PIPOX: variants seen among roughly 807,000 people sequenced by gnomAD.
PIPOX encodes peroxisomal sarcosine oxidase.
In PIPOX, 45 loss-of-function variants were observed where a neutral mutation model predicts 47.9. The observed-to-expected ratio is 0.94, with a 90% CI of 0.74 to 1.20. PIPOX has a LOEUF of 1.20. Among genes scored for constraint, PIPOX ranks in the 50% most tolerant of loss-of-function variants. The probability of loss-of-function intolerance (pLI) is 0.00; values close to 1 mark genes in which losing one functional copy is unlikely to be tolerated. For synonymous variants in PIPOX, 165 were observed against 191.3 expected (o/e 0.86, Z 1.13); for missense variants, 458 against 498.4 (o/e 0.92, Z 0.77).
At chr17:29,053,155 G>A in intron 3 of PIPOX, 22 bp downstream of exon 3, 1 of 1,594,186 alleles carries the variant, frequency 6.3e-7, no homozygotes. Flanking sequence ...TAGCACTGGG[G>A]CGATGCAGGT....
At chr17:29,046,438 T>G (rs1167720909) in intron 2 of PIPOX, among the ~76,000 whole-genome samples, 1 of 152,222 alleles carries the variant, frequency 6.6e-6, no homozygotes, top group South Asian at 2.1e-4. Flanking sequence ...TCCACACCAG[T>G]TGTGTGATCT....
chr17:29,046,487 C>T (rs1480469370), intron 2 of PIPOX, among the ~76,000 whole-genome samples: 2 of 152,264 alleles, frequency 1.3e-5, no homozygotes, highest in South Asian at 2.1e-4. Context: ...TCACTTTTTA[C>T]GATAGGGCTC....
chr17:29,048,004 A>G (rs1268693691), intron 2 of PIPOX, among the ~76,000 whole-genome samples: 1 of 152,218 alleles, frequency 6.6e-6, no homozygotes, highest in East Asian at 1.9e-4. Context: ...AAACCTCTAG[A>G]GTGCTAAGTA....
chr17:29,043,344 T>C lies in PIPOX; in HGVS notation c.114+5T>C. The C allele has an allele frequency of 6.2e-7, 1 of 1,600,400 alleles. No individual in the cohort carries two copies. Among genetic ancestry groups the C allele is most frequent in the Non-Finnish European group, 8.6e-7 (1 of 1,167,690 alleles). On this transcript the variant is annotated splice_donor_5th_base_variant and intron_variant, in intron 1 of 7. Coordinates refer to ENST00000323372, the MANE Select transcript of PIPOX (RefSeq NM_016518.3). ...AGGATCCTCCTGCTGGAGCAGGTAC[T>C]GTGTCCCTTCTGCACCCCCAGCTGT...
At position 29,053,586 on chromosome 17, in the gene PIPOX, G is replaced by T. The variant is rs1430677376; in HGVS notation, c.651G>T (p.Met217Ile). The change falls in exon 4 of 8, where the codon ATG becomes ATT. Residue 217 changes from methionine (M) to isoleucine (I), a missense_variant. By Grantham distance (10) the Met-to-Ile change is conservative. Coordinates refer to ENST00000323372, the MANE Select transcript of PIPOX (RefSeq NM_016518.3). ...TCCTCCGTCCCCTGGGCATTGAGAT[G>T]CCTCTCCAGGTAAGAGGAGCTGGAA... ...NQLLRPLGIE[M>I]PLQTLRINVC... 1 of 1,589,074 alleles carries T rather than the reference G, an allele frequency of 6.3e-7. No homozygotes were observed. Among genetic ancestry groups the T allele is most frequent in the Admixed American group, 1.7e-5 (1 of 57,764 alleles).
intron 2 of PIPOX, among the ~76,000 whole-genome samples, chr17:29,045,217 G>A (rs1391455149): frequency 2.0e-5 from 3 of 152,140 alleles, no homozygotes; most frequent in African/African-American, 4.8e-5. Flanking sequence ...TGCAGGACTG[G>A]GTTCAGACCA....
chr17:29,056,030 A>G, intron 7 of PIPOX, 142 bp downstream of exon 7: 1 of 1,266,294 alleles, frequency 7.9e-7, no homozygotes, highest in Non-Finnish European at 1.1e-6. Context: ...GGCAGTCAGA[A>G]AAGGGGTATT....
intron 4 of PIPOX, 30 bp from the exon 5 acceptor site, chr17:29,054,515 T>C: frequency 2.5e-6 from 4 of 1,611,738 alleles, no homozygotes; most frequent in Non-Finnish European, 3.4e-6. Flanking sequence ...TGGCTTTTCT[T>C]CATTTCCCAC....
In PIPOX at chr17:29,053,006, A is replaced by G; in HGVS notation, c.350A>G (p.His117Arg). ...AATCTGTCGAGGCAGAGGGTAGAAC[A>G]CCAGTGTCTTTCATCTGAGGAACTG... ...QANLSRQRVE[H>R]QCLSSEELKQ... Residue 117 changes from histidine to arginine, a missense_variant, in exon 3 of 8, where the codon CAC becomes CGC. His to Arg is a conservative substitution (Grantham distance 29, BLOSUM62 0). Coordinates refer to ENST00000323372, the MANE Select transcript of PIPOX (RefSeq NM_016518.3). 1 of 1,614,206 alleles carries G rather than the reference A, an allele frequency of 6.2e-7. No individual in the cohort carries two copies. Among genetic ancestry groups the G allele is most frequent in the South Asian group, 1.1e-5 (1 of 91,090 alleles).
At position 29,055,681 on chromosome 17, in the gene PIPOX, C is replaced by T. The variant is rs967337896; in HGVS notation, c.967-132C>T. On this transcript the variant is annotated intron_variant, in intron 6 of 7. Transcript: ENST00000323372. ...GCACACCCAGAGGGGCACGGGCATG[C>T]GGAAAGCATCCTTGTGCCTCATTCC... 2.1e-5 allele frequency: 17 copies of T among 792,062 alleles called. No homozygotes were observed. In the Middle Eastern group the frequency reaches 6.9e-4, roughly 32 times the overall value. The allele number at this position is 792,062 out of a possible 1,614,324, so 49.1% of individuals were successfully genotyped here. A position where few individuals can be genotyped will look rare whatever the true frequency, so the allele number is the denominator to read the frequency against.
chr17:29,056,395 C>A lies in PIPOX; in HGVS notation c.*90C>A. On this transcript the variant is annotated 3_prime_UTR_variant, in exon 8 of 8. Transcript: ENST00000323372. ...GATGAAGGGAGTGTCCCTGAGATAT[C>A]ATCCTTTTCTTCTGCCTCGCCTGAA... 2 of 1,477,786 alleles carry A rather than the reference C, an allele frequency of 1.4e-6. No homozygotes were observed. The highest frequency in any genetic ancestry group is 1.9e-6 in the Non-Finnish European group (2 of 1,068,832). 91.5% of individuals were successfully genotyped at this position (1,477,786 alleles called of 1,614,324 possible).
chr17:29,048,212 T>TG (rs1392030657), intron 2 of PIPOX, among the ~76,000 whole-genome samples: 2 of 152,246 alleles, frequency 1.3e-5, no homozygotes, highest in Non-Finnish European at 2.9e-5. Context: ...TAGCTTTTAC[T>TG]GATTCTTATT....
chr17:29,048,098 G>T (rs2065792195), intron 2 of PIPOX, among the ~76,000 whole-genome samples: 1 of 152,090 alleles, frequency 6.6e-6, no homozygotes, highest in Admixed American at 6.6e-5. Flanking sequence ...CAATTTATTT[G>T]GTTCTTTTAC....
At chr17:29,052,469 C>T (rs2065810080) in intron 2 of PIPOX, among the ~76,000 whole-genome samples, 1 of 152,252 alleles carries the variant, frequency 6.6e-6, no homozygotes, top group Admixed American at 6.5e-5. Context: ...TAGATGGCTT[C>T]ACCTCTTCTC....
intron 2 of PIPOX, 58 bp downstream of exon 2, chr17:29,045,065 G>A: frequency 2.0e-6 from 3 of 1,509,074 alleles, no homozygotes; most frequent in Non-Finnish European, 2.7e-6. Context: ...GGTACTTTTA[G>A]TGTGTGAAGT....
rs763554618 is a variant in PIPOX at position 29,054,694 on chromosome 17, G to T, written c.807+3G>T. 6.2e-7 allele frequency: 1 copy of T among 1,613,066 alleles called. No homozygotes were observed. The highest frequency in any genetic ancestry group is 8.5e-7 in the Non-Finnish European group (1 of 1,179,152). On this transcript the variant is annotated splice_donor_region_variant and intron_variant, in intron 5 of 7. Coordinates refer to ENST00000323372, the MANE Select transcript of PIPOX (RefSeq NM_016518.3). Reference sequence around the variant, plus strand: ...GAGAGTACCCAGGGCTGATGAAGGTGAGCGGAAAGACCGAGATAAGGCAGG... The same window carrying T: ...GAGAGTACCCAGGGCTGATGAAGGTTAGCGGAAAGACCGAGATAAGGCAGG...
rs775171687 is a variant in PIPOX at position 29,055,822 on chromosome 17, G to A, written c.976G>A (p.Asp326Asn). The A allele has an allele frequency of 1.2e-6, 2 of 1,613,574 alleles. No individual in the cohort carries two copies. The highest frequency in any genetic ancestry group is 2.2e-5 in the East Asian group (1 of 44,898). ...IESCMYTNTP[D>N]EQFILDRHPK... The stretch of plus-strand genomic sequence containing the variant: ...GACTGTTTCTTTCTAGAATACCCCT[G>A]ATGAGCAGTTCATTCTCGATCGCCA... Residue 326 changes from aspartate (D) to asparagine (N), a missense_variant, in exon 7 of 8, where the codon GAT becomes AAT. Transcript: ENST00000323372.
chr17:29,048,166 C>T (rs1049989116), intron 2 of PIPOX, among the ~76,000 whole-genome samples: 2 of 152,190 alleles, frequency 1.3e-5, no homozygotes, highest in African/African-American at 4.8e-5. Context: ...GAATACAGCT[C>T]TACTACCTTT....
At chr17:29,044,603 A>G (rs1483734776) in intron 1 of PIPOX, among the ~76,000 whole-genome samples, 2 of 152,142 alleles carry the variant, frequency 1.3e-5, no homozygotes, top group Non-Finnish European at 2.9e-5. Flanking sequence ...CCTTCCAAGT[A>G]GCTGGGACTA....
Sources: allele counts gnomAD v4.1 joint callset (sites outside exome capture counted in the v4.1 genomes callset), GRCh38; gene constraint gnomAD v4.1.1; transcripts MANE v1.5; gene names NCBI Gene and HGNC (gene_info 2026-07-23, HGNC 2026-07-21).